The following TMPRSS7 variants were observed in gnomAD, a reference collection of about 807,000 sequenced individuals.
TMPRSS7 encodes transmembrane serine protease 7, also known as transmembrane protease serine 7.
A neutral mutation model predicts 95.6 loss-of-function variants in TMPRSS7; 81 were observed. The ratio of observed to expected loss-of-function variants is 0.85; its 90% confidence interval spans 0.71 to 1.02. The LOEUF is 1.02. Ranked by LOEUF, TMPRSS7 falls within the 50% of genes least tolerant of loss-of-function variation. The pLI, the probability that TMPRSS7 is intolerant of heterozygous loss-of-function variation, is 0.00. For synonymous variants in TMPRSS7, 364 were observed against 337.8 expected (o/e 1.08, Z -0.85); for missense variants, 945 against 955.2 (o/e 0.99, Z 0.14).
chr3:112,078,776 G>C, exon 17 of TMPRSS7: 1 of 1,614,186 alleles, frequency 6.2e-7, no homozygotes, highest in Non-Finnish European at 8.5e-7. Context: ...AGCAAGCGGA[G>C]GTAGAGCTCA....
chr3:112,072,221 GT>G (rs1338512158), intron 13 of TMPRSS7, among the ~76,000 whole-genome samples: 3 of 152,216 alleles, frequency 2.0e-5, no homozygotes, highest in Non-Finnish European at 4.4e-5. Context: ...CTGCAGGTCT[GT>G]TGGAGTTTGC....
intron 4 of TMPRSS7, among the ~76,000 whole-genome samples, chr3:112,044,728 G>A (rs73216078): frequency 0.28 from 43,272 of 151,906 alleles, 6,881 homozygotes; most frequent in East Asian, 0.46. Context: ...AGAAAAAATC[G>A]TGCACCATAT....
At chr3:112,069,994 T>C (rs946052571) in intron 13 of TMPRSS7, among the ~76,000 whole-genome samples, 3 of 152,258 alleles carry the variant, frequency 2.0e-5, no homozygotes, top group African/African-American at 7.2e-5. Flanking sequence ...TACACACCGC[T>C]TTAAATGTGT....
At chr3:112,080,179 A>C (rs2073760708) in intron 17 of TMPRSS7, among the ~76,000 whole-genome samples, 1 of 152,276 alleles carries the variant, frequency 6.6e-6, no homozygotes, top group African/African-American at 2.4e-5. Context: ...AGGAAAATAA[A>C]ACCTAGATAT....
chr3:112,044,405 C>T (rs2073250988), intron 4 of TMPRSS7, 83 bp downstream of exon 4: 18 of 1,177,964 alleles, frequency 1.5e-5, no homozygotes, highest in Non-Finnish European at 2.0e-5. Flanking sequence ...GAGATTCCAC[C>T]ATTCCCAAGT....
At chr3:112,069,838 T>C (rs1433736582) in intron 13 of TMPRSS7, among the ~76,000 whole-genome samples, 2 of 152,188 alleles carry the variant, frequency 1.3e-5, no homozygotes, top group Non-Finnish European at 2.9e-5. Context: ...TCAGTTCTGC[T>C]CTGATCTTAG....
At chr3:112,042,576 C>T (rs1275338499) in intron 3 of TMPRSS7, among the ~76,000 whole-genome samples, 1 of 152,134 alleles carries the variant, frequency 6.6e-6, no homozygotes, top group African/African-American at 2.4e-5. Context: ...AATACACAGA[C>T]ATAGAGAATA....
At chr3:112,036,836 G>A (rs1342915347) in intron 1 of TMPRSS7, among the ~76,000 whole-genome samples, 1 of 152,162 alleles carries the variant, frequency 6.6e-6, no homozygotes, top group Non-Finnish European at 1.5e-5. Flanking sequence ...GACATTTATT[G>A]GTTCCCTAAA....
intron 13 of TMPRSS7, among the ~76,000 whole-genome samples, chr3:112,072,023 G>A (rs1179600856): frequency 1.3e-5 from 2 of 152,192 alleles, no homozygotes; most frequent in Admixed American, 1.3e-4. Context: ...AAGGAGAAGA[G>A]GCGCTCTGGT....
At chr3:112,039,694 G>A (rs1412347159) in intron 2 of TMPRSS7, 1 of 152,232 alleles carries the variant, frequency 6.6e-6, no homozygotes, top group African/African-American at 2.4e-5. Context: ...GGACCTCGCT[G>A]TAGGTACTTC....
chr3:112,036,437 G>C (rs1042319002), intron 1 of TMPRSS7, among the ~76,000 whole-genome samples: 10 of 152,050 alleles, frequency 6.6e-5, no homozygotes, highest in African/African-American at 2.4e-4. Context: ...GTGTGGTGGT[G>C]AGTGCCTGTA....
exon 18 of TMPRSS7, chr3:112,081,161 G>A (rs924979328): frequency 3.1e-5 from 45 of 1,430,050 alleles, no homozygotes; most frequent in South Asian, 9.7e-5. Flanking sequence ...GGCTGGGTGC[G>A]CTGGCTCACA....
intron 13 of TMPRSS7, among the ~76,000 whole-genome samples, chr3:112,071,841 A>G (rs1321991411): frequency 6.6e-6 from 1 of 152,036 alleles, no homozygotes; most frequent in Non-Finnish European, 1.5e-5. Flanking sequence ...CTAGTTAGCC[A>G]TTTGTCTAAT....
intron 2 of TMPRSS7, among the ~76,000 whole-genome samples, chr3:112,038,824 C>T (rs2073177500): frequency 6.6e-6 from 1 of 151,934 alleles, no homozygotes; most frequent in Non-Finnish European, 1.5e-5. Flanking sequence ...AATTCTCTTT[C>T]TCATTTCTTT....
At chr3:112,069,663 T>C (rs2073618801) in intron 13 of TMPRSS7, among the ~76,000 whole-genome samples, 1 of 152,098 alleles carries the variant, frequency 6.6e-6, no homozygotes, top group African/African-American at 2.4e-5. Context: ...GTGGGATTGG[T>C]GGTGATATCC....
chr3:112,076,855 G>A, intron 15 of TMPRSS7, 21 bp from the exon 16 acceptor site: 4 of 1,608,142 alleles, frequency 2.5e-6, no homozygotes, highest in Non-Finnish European at 3.4e-6. Flanking sequence ...CTAACTTTAT[G>A]TTTCATTACT....
intron 16 of TMPRSS7, among the ~76,000 whole-genome samples, chr3:112,077,347 C>T (rs1326839408): frequency 6.6e-6 from 1 of 152,116 alleles, no homozygotes; most frequent in South Asian, 2.1e-4. Context: ...GCAGGGCTCA[C>T]CTTATAAAGA....
At chr3:112,055,498 G>T (rs1031317798) in intron 9 of TMPRSS7, among the ~76,000 whole-genome samples, 1 of 130,914 alleles carries the variant, frequency 7.6e-6, no homozygotes, top group Non-Finnish European at 1.7e-5. Context: ...CATATAATAC[G>T]ATGACATAAC....
Position 112,044,312 on chromosome 3 carries a change from G to A in TMPRSS7, c.487G>A (p.Ala163Thr). The A allele has an allele frequency of 1.9e-6, 3 of 1,551,118 alleles. No individual in the cohort carries two copies. The South Asian group carries it at 3.6e-5, about 18-fold the overall frequency. ...CAAATTTTATGAGCAGTCTGTTGTT[G>A]CAGATGTCAGGTAATGCATGTCCCT... is the stretch of plus-strand genomic sequence containing the variant. The change falls in exon 4 of 18, where the codon GCA becomes ACA. Residue 163 changes from alanine to threonine, a missense_variant. Physicochemically the swap from Ala to Thr is moderately conservative, Grantham distance 58. Transcript: ENST00000452346.
Sources: gnomAD v4.1 joint callset for allele counts (sites outside exome capture counted in the v4.1 genomes callset) on GRCh38, gnomAD v4.1.1 for gene constraint, MANE v1.5 for transcripts, NCBI Gene and HGNC (gene_info 2026-07-23, HGNC 2026-07-21) for gene names.